KRT25: variants seen among roughly 807,000 people sequenced by gnomAD.
KRT25 encodes the protein keratin 25, also known as keratin, type I cytoskeletal 25.
In KRT25, 37 loss-of-function variants were observed where a neutral mutation model predicts 47.6. The ratio of observed to expected loss-of-function variants is 0.78; its 90% CI spans 0.60 to 1.02. The LOEUF (loss-of-function observed/expected upper bound fraction) is 1.02, where lower values mean the gene tolerates loss of function less well. Among genes scored for constraint, KRT25 ranks in the 50% least tolerant of loss-of-function variants. The pLI is 0.00. For synonymous variants in KRT25, 203 were observed against 210.2 expected (o/e 0.97, Z 0.30); for missense variants, 542 against 550.3 (o/e 0.98, Z 0.15).
chr17:40,755,021 T>C lies in KRT25; in HGVS notation c.251A>G (p.Gln84Arg). 3 of 1,614,232 alleles carry C rather than the reference T, an allele frequency of 1.9e-6. No homozygotes were observed. The part of the protein sequence containing the change: ...LLSGNEKVTM[Q>R]NLNDRLASYL... ...GGATGCCAGGCGGTCATTGAGGTTCTGCATGGTCACCTTCTCATTGCCAGA... is the reference window on the plus strand; with the variant it reads ...GGATGCCAGGCGGTCATTGAGGTTCCGCATGGTCACCTTCTCATTGCCAGA... The change falls in exon 1 of 8, where the codon CAG becomes CGG. Residue 84 changes from glutamine (Q) to arginine (R), a missense_variant. Transcript: ENST00000312150.
Position 40,751,221 on chromosome 17 carries a change from A to G in KRT25, c.775T>C (p.Tyr259His). Residue 259 changes from tyrosine (Y) to histidine (H), a missense_variant, in exon 4 of 8, where the codon TAC becomes CAC. Physicochemically the swap from Tyr to His is moderately conservative, Grantham distance 83 (BLOSUM62 2). Coordinates refer to ENST00000312150, the MANE Select transcript of KRT25 (RefSeq NM_181534.4). ...CGGTTCTGCTCTGCAAGGGCTTCGT[A>G]CTCAGCTCGCATGTTGTTCAGCAGA... is the stretch of plus-strand genomic sequence containing the variant. Reference protein sequence around the residue: ...TVLLNNMRAEYEALAEQNRRD... With the variant: ...TVLLNNMRAEHEALAEQNRRD... 6.2e-7 allele frequency: 1 copy of G among 1,614,108 alleles called. No homozygotes were observed. Among genetic ancestry groups the G allele is most frequent in the Non-Finnish European group, 8.5e-7 (1 of 1,180,012 alleles).
At chr17:40,749,664 T>G (rs557782187) in intron 6 of KRT25, among the ~76,000 whole-genome samples, 12 of 152,262 alleles carry the variant, frequency 7.9e-5, no homozygotes, top group African/African-American at 2.9e-4. Context: ...TGTGACAAAT[T>G]TATATAGCTG....
upstream of KRT25, chr17:40,755,471 C>T (rs1488208604): frequency 1.8e-6 from 1 of 563,070 alleles, no homozygotes; most frequent in African/African-American, 1.9e-5. Flanking sequence ...ATTAGTAACT[C>T]ACTTTGCTGG....
At chr17:40,754,070 C>G (rs2038081474) in intron 2 of KRT25, 54 bp from the exon 3 acceptor site, 11 of 1,531,300 alleles carry the variant, frequency 7.2e-6, no homozygotes, top group Non-Finnish European at 9.9e-6. Flanking sequence ...GACATAGTCA[C>G]TAGTCACTGA....
At chr17:40,750,911 T>C in intron 5 of KRT25, 43 bp downstream of exon 5, 2 of 1,605,866 alleles carry the variant, frequency 1.2e-6, no homozygotes, top group Admixed American at 3.4e-5. Context: ...GTATCTAACA[T>C]GATGACCTGG....
Position 40,750,505 on chromosome 17 carries a change from C to T in KRT25, c.1050G>A (p.Glu350=). The T allele has an allele frequency of 1.2e-6, 2 of 1,614,204 alleles. No homozygotes were observed. Among genetic ancestry groups the T allele is most frequent in the Non-Finnish European group, 1.7e-6 (2 of 1,180,022 alleles). The change falls in exon 6 of 8, where the codon GAG becomes GAA. Residue 350 remains glutamate (E), a synonymous_variant. Coordinates refer to ENST00000312150, the MANE Select transcript of KRT25 (RefSeq NM_181534.4). ...QIQAQIGALE[E]QLHQVRTETE... ...TCTCGGTTCTGACCTGGTGCAGCTG[C>T]TCCTCCAGGGCCCCGATCTGAGCCT...
chr17:40,751,332 G>A lies in KRT25; in HGVS notation c.670-6C>T, dbSNP rs781344967. On this transcript the variant is annotated splice_polypyrimidine_tract_variant and splice_region_variant and intron_variant, in intron 3 of 7. Transcript: ENST00000312150. ...CACTGCAGAACTTGCATTTCCTAGAGGCAGAAAAGTGTTCTGCTCAGCTCT... is the reference window on the plus strand; with the variant it reads ...CACTGCAGAACTTGCATTTCCTAGAAGCAGAAAAGTGTTCTGCTCAGCTCT... 2 of 1,606,032 alleles carry A rather than the reference G, an allele frequency of 1.2e-6. No homozygotes were observed. Among genetic ancestry groups the A allele is most frequent in the South Asian group, 2.2e-5 (2 of 89,512 alleles).
chr17:40,752,745 T>C (rs1421005888), intron 3 of KRT25, among the ~76,000 whole-genome samples: 2 of 152,192 alleles, frequency 1.3e-5, no homozygotes, highest in South Asian at 2.1e-4. Context: ...TGAATCCACG[T>C]AGTCAAATCA....
chr17:40,754,582 G>A (rs1358495005), intron 1 of KRT25, 114 bp from the exon 2 acceptor site: 5 of 977,538 alleles, frequency 5.1e-6, no homozygotes, highest in Non-Finnish European at 7.9e-6. Context: ...GGAGGGCATG[G>A]TGGCAGGCAC....
chr17:40,749,822 T>A (rs901709454), intron 6 of KRT25, among the ~76,000 whole-genome samples: 2 of 151,876 alleles, frequency 1.3e-5, no homozygotes, highest in African/African-American at 4.8e-5. Context: ...TGTAATGTTT[T>A]TGTTCTGCTT....
At chr17:40,749,461 G>T in intron 6 of KRT25, 136 bp from the exon 7 acceptor site, 1 of 703,622 alleles carries the variant, frequency 1.4e-6, no homozygotes, top group East Asian at 2.6e-5. Context: ...GCTGATTTCT[G>T]TAGAGGTATG....
chr17:40,753,809 G>C lies in KRT25; in HGVS notation c.669+51C>G, dbSNP rs771759459. The C allele has an allele frequency of 4.6e-6, 7 of 1,507,590 alleles. No homozygotes were observed. In the East Asian group the frequency reaches 1.2e-4, roughly 27 times the overall value. The allele number at this position is 1,507,590 out of a possible 1,614,324, so 93.4% of individuals were successfully genotyped here. Reference sequence around the variant, plus strand: ...AGGTTATGTACATTATCTCCTGTCAGGTGCACAGTGTCTGCGGAGGGATAG... The same window carrying C: ...AGGTTATGTACATTATCTCCTGTCACGTGCACAGTGTCTGCGGAGGGATAG... On this transcript the variant is annotated intron_variant, in intron 3 of 7. Transcript: ENST00000312150.
chr17:40,748,254 T>C lies in KRT25; in HGVS notation c.*23A>G. On this transcript the variant is annotated 3_prime_UTR_variant, in exon 8 of 8. Coordinates refer to ENST00000312150, the MANE Select transcript of KRT25 (RefSeq NM_181534.4). ...TTTTCTTCGCAGGGGCTATGTGGCA[T>C]ACGTTCTCTGTTGCATCTCAAATTA... The C allele has an allele frequency of 6.6e-7, 1 of 1,503,898 alleles. No homozygotes were observed. Among genetic ancestry groups the C allele is most frequent in the Non-Finnish European group, 9.2e-7 (1 of 1,085,096 alleles). 93.2% of individuals were successfully genotyped at this position (1,503,898 alleles called of 1,614,324 possible). A position where few individuals can be genotyped will look rare whatever the true frequency, so the allele number is the denominator to read the frequency against.
upstream of KRT25, chr17:40,755,334 T>C: frequency 1.3e-6 from 2 of 1,502,266 alleles, no homozygotes; most frequent in South Asian, 1.3e-5. Context: ...TGCCTTCTTG[T>C]CTAAAAGGTT....
At chr17:40,751,846 A>G (rs994260263) in intron 3 of KRT25, among the ~76,000 whole-genome samples, 2 of 147,596 alleles carry the variant, frequency 1.4e-5, no homozygotes, top group Admixed American at 1.4e-4. Flanking sequence ...ATGATGATAA[A>G]TAAATAAATG....
intron 3 of KRT25, among the ~76,000 whole-genome samples, chr17:40,752,597 AG>A (rs1206248959): frequency 6.6e-6 from 1 of 152,238 alleles, no homozygotes; most frequent in Non-Finnish European, 1.5e-5. Context: ...AGATAAAAAA[AG>A]ATATATGTAT....
At chr17:40,751,454 AC>A (rs1389876756) in intron 3 of KRT25, 128 bp from the exon 4 acceptor site, 5 of 963,794 alleles carry the variant, frequency 5.2e-6, no homozygotes, top group Non-Finnish European at 7.4e-6. Context: ...ACCCCCTCCC[AC>A]CACATTTGAT....
intron 7 of KRT25, among the ~76,000 whole-genome samples, chr17:40,748,782 T>C (rs755612445): frequency 1.3e-5 from 2 of 152,190 alleles, no homozygotes; most frequent in Non-Finnish European, 1.5e-5. Context: ...TGCAGCATTA[T>C]TCACAATAGC....
Position 40,748,321 on chromosome 17 carries a change from T to C in KRT25, c.1309A>G (p.Thr437Ala). 6.2e-7 allele frequency: 1 copy of C among 1,613,030 alleles called. No individual in the cohort carries two copies. Among genetic ancestry groups the C allele is most frequent in the South Asian group, 1.1e-5 (1 of 90,808 alleles). Reference protein sequence around the residue: ...EEVDQRSKILTTRLHSLEEKS... With the variant: ...EEVDQRSKILATRLHSLEEKS... ...TCTTCCAGGGAGTGGAGCCTGGTGG[T>C]AAGTATTTTGCTGCGTTGGTCTACC... is the stretch of plus-strand genomic sequence containing the variant. The change falls in exon 8 of 8, where the codon ACC becomes GCC. Residue 437 changes from threonine to alanine, a missense_variant. By Grantham distance (58) the Thr-to-Ala change is moderately conservative (BLOSUM62 0). Coordinates refer to ENST00000312150, the MANE Select transcript of KRT25 (RefSeq NM_181534.4).
Sources: gnomAD v4.1 joint callset for allele counts (sites outside exome capture counted in the v4.1 genomes callset) on GRCh38, gnomAD v4.1.1 for gene constraint, MANE v1.5 for transcripts, NCBI Gene and HGNC (gene_info 2026-07-23, HGNC 2026-07-21) for gene names.